Variants in AMPD1 observed in about 807,000 individuals in gnomAD.
AMPD1 encodes the protein adenosine monophosphate deaminase 1.
Under a neutral mutation model 82.9 loss-of-function variants are expected in AMPD1, and 74 were observed. That is an observed-to-expected ratio of 0.89 (90% CI 0.74 to 1.08). AMPD1 has a LOEUF of 1.08. AMPD1 is among the 50% of genes least tolerant of loss of function. The probability of loss-of-function intolerance (pLI) is 0.00; values close to 1 mark genes in which losing one functional copy is unlikely to be tolerated. For synonymous variants in AMPD1, 333 were observed against 320.5 expected (o/e 1.04, Z -0.42); for missense variants, 881 against 924.5 (o/e 0.95, Z 0.61).
At chr1:114,684,838 T>A (rs553803729) in intron 4 of AMPD1, among the ~76,000 whole-genome samples, 1 of 152,306 alleles carries the variant, frequency 6.6e-6, no homozygotes, top group African/African-American at 2.4e-5. Flanking sequence ...GGGTCACAAA[T>A]CTCTCAAACC....
Position 114,680,432 on chromosome 1 carries a change from G to T in AMPD1, c.594C>A (p.Asp198Glu), listed in dbSNP as rs1658124421. 6.2e-7 allele frequency: 1 copy of T among 1,614,064 alleles called. No individual in the cohort carries two copies. Among genetic ancestry groups the T allele is most frequent in the Non-Finnish European group, 8.5e-7 (1 of 1,180,048 alleles). Residue 198 changes from aspartate to glutamate, a missense_variant, in exon 6 of 16, where the codon GAC becomes GAA. Around this residue, in one of 2 missense-constraint regions of AMPD1, gnomAD observed 783 missense variants for 786.4 expected, o/e 1.00. Coordinates refer to ENST00000520113, the MANE Select transcript of AMPD1 (RefSeq NM_000036.3). Reference sequence around the variant, plus strand: ...GATAGCCCAGGTTTTCAGGAAGGTTGTCTGTTCGGAAGGGGTCCTCTCCCT... The same window carrying T: ...GATAGCCCAGGTTTTCAGGAAGGTTTTCTGTTCGGAAGGGGTCCTCTCCCT... ...VKKGEDPFRT[D>E]NLPENLGYHL...
intron 10 of AMPD1, 94 bp from the exon 11 acceptor site, chr1:114,676,097 C>T (rs1570838604): frequency 7.1e-7 from 1 of 1,411,152 alleles, no homozygotes; most frequent in Non-Finnish European, 9.9e-7. Flanking sequence ...ATGTCATGCA[C>T]AGGAAAAGAC....
At chr1:114,674,534 C>G (rs1657924223) in intron 13 of AMPD1, among the ~76,000 whole-genome samples, 2 of 152,190 alleles carry the variant, frequency 1.3e-5, no homozygotes, top group African/African-American at 4.8e-5. Flanking sequence ...GTCAGGAGAT[C>G]TGCGTTAACT....
At chr1:114,678,086 T>C (rs1222613087) in intron 8 of AMPD1, 45 bp from the exon 9 acceptor site, 8 of 1,611,912 alleles carry the variant, frequency 5.0e-6, no homozygotes, top group Non-Finnish European at 6.8e-6. Flanking sequence ...ACCAGAGCTG[T>C]CTGGACAGAG....
chr1:114,674,418 C>T (rs75515194), intron 13 of AMPD1, among the ~76,000 whole-genome samples: 1 of 151,964 alleles, frequency 6.6e-6, no homozygotes, highest in Non-Finnish European at 1.5e-5. Flanking sequence ...CTGACTCTCA[C>T]AAAAAAACAT....
Position 114,695,497 on chromosome 1 carries a change from A to G in AMPD1, c.-26T>C. ...TGTTGCTGAAATCCTTGATTCTAGGATAGCACAGTAGAAAAGAAGAGAGAG... is the reference window on the plus strand; with the variant it reads ...TGTTGCTGAAATCCTTGATTCTAGGGTAGCACAGTAGAAAAGAAGAGAGAG... On this transcript the variant is annotated 5_prime_UTR_variant, in exon 1 of 16. Transcript: ENST00000520113. 6.2e-7 allele frequency: 1 copy of G among 1,614,046 alleles called. No individual in the cohort carries two copies. Among genetic ancestry groups the G allele is most frequent in the Non-Finnish European group, 8.5e-7 (1 of 1,180,006 alleles).
chr1:114,688,369 C>T (rs181070709), intron 3 of AMPD1, among the ~76,000 whole-genome samples, 192 bp downstream of exon 3: 29 of 152,284 alleles, frequency 1.9e-4, no homozygotes, highest in Middle Eastern at 3.4e-3. Context: ...CTCAAGTGAT[C>T]CACCCACCTC....
At chr1:114,690,825 C>G (rs1193516979) in intron 2 of AMPD1, among the ~76,000 whole-genome samples, 2 of 151,976 alleles carry the variant, frequency 1.3e-5, no homozygotes, top group Non-Finnish European at 2.9e-5. Flanking sequence ...CTGCATGTAC[C>G]ATGAAGGGCA....
In AMPD1 at chr1:114,678,468, AAT is replaced by A. The variant is rs1460975510; in HGVS notation, c.955_956del (p.Ile319Ter). The A allele has an allele frequency of 6.2e-7, 1 of 1,614,066 alleles. No individual in the cohort carries two copies. Among genetic ancestry groups the A allele is most frequent in the African/African-American group, 1.3e-5 (1 of 74,910 alleles). On this transcript the variant is annotated frameshift_variant, in exon 8 of 16. Transcript: ENST00000520113. LOFTEE classifies it high-confidence loss of function. ...CAGCATCAATTTGGTAAGATTTCTT[AAT>A]AAAACGCAGCAGATGTTTCTGGTTC... ...CMNQKHLLRF[I>X]KKSYQIDADR...
intron 14 of AMPD1, 61 bp from the exon 15 acceptor site, chr1:114,673,810 C>A (rs2101710126): frequency 6.3e-7 from 1 of 1,579,226 alleles, no homozygotes; most frequent in Non-Finnish European, 8.7e-7. Flanking sequence ...TGCATCCTGC[C>A]TGAAAAAATA....
chr1:114,692,987 T>C (rs2101727877), intron 2 of AMPD1, among the ~76,000 whole-genome samples: 1 of 151,068 alleles, frequency 6.6e-6, no homozygotes, highest in Non-Finnish European at 1.5e-5. Flanking sequence ...TAACCAGGTG[T>C]GGTGGTGTGC....
intron 12 of AMPD1, 191 bp from the exon 13 acceptor site, chr1:114,675,063 G>C (rs1488470967): frequency 4.3e-6 from 3 of 690,340 alleles, no homozygotes; most frequent in Non-Finnish European, 7.2e-6. Context: ...AGGATATGGG[G>C]GTAAGGAAGC....
intron 3 of AMPD1, among the ~76,000 whole-genome samples, chr1:114,687,225 CTA>C (rs1407088012): frequency 6.6e-6 from 1 of 152,070 alleles, no homozygotes; most frequent in Non-Finnish European, 1.5e-5. Flanking sequence ...AAAACACAGG[CTA>C]TGTCAGTTAC....
rs1013897127 is a variant in AMPD1 at position 114,678,519 on chromosome 1, G to A, written c.906C>T (p.Thr302=). Residue 302 remains threonine, a synonymous_variant, in exon 8 of 16, where the codon ACC becomes ACT. Transcript: ENST00000520113. ...RDFYNCRKVD[T]HIHAAACMNQ... ...TCATGCAAGCGGCTGCATGGATATGGGTGTCCACCTGTATGTATATTCAAA... is the reference window on the plus strand; with the variant it reads ...TCATGCAAGCGGCTGCATGGATATGAGTGTCCACCTGTATGTATATTCAAA... 13 of 1,613,598 alleles carry A rather than the reference G, an allele frequency of 8.1e-6. No homozygotes were observed. Among genetic ancestry groups the A allele is most frequent in the African/African-American group, 4.0e-5 (3 of 74,878 alleles).
rs376186860 is a variant in AMPD1 at position 114,673,989 on chromosome 1, T to G, written c.1894A>C (p.Asn632His). 1.2e-6 allele frequency: 2 copies of G among 1,614,038 alleles called. No homozygotes were observed. Among genetic ancestry groups the G allele is most frequent in the Non-Finnish European group, 1.7e-6 (2 of 1,179,936 alleles). ...TTCTGAAGGAAATCCAAAAAAGGATTTTTGGCATACTCTAGAAATAGGCTA... is the reference window on the plus strand; with the variant it reads ...TTCTGAAGGAAATCCAAAAAAGGATGTTTGGCATACTCTAGAAATAGGCTA... The part of the protein sequence containing the change: ...NNSLFLEYAK[N>H]PFLDFLQKGL... The change falls in exon 14 of 16, where the codon AAT (asparagine) becomes CAT (histidine). Residue 632 changes from asparagine to histidine, a missense_variant. By Grantham distance (68) the Asn-to-His change is moderately conservative. Transcript: ENST00000520113.
chr1:114,673,884 T>C (rs766357078), intron 14 of AMPD1, 25 bp downstream of exon 14: 2 of 1,612,100 alleles, frequency 1.2e-6, no homozygotes, highest in South Asian at 2.2e-5. Flanking sequence ...AAAATATGCT[T>C]GTATTGCCCA....
intron 6 of AMPD1, 57 bp downstream of exon 6, chr1:114,680,199 AGTT>A (rs2101716360): frequency 7.2e-7 from 1 of 1,387,342 alleles, no homozygotes; most frequent in East Asian, 2.3e-5. Flanking sequence ...AAGTAGTACT[AGTT>A]GTTGTTTAGG....
At chr1:114,673,477 G>C (rs1222217951) in intron 15 of AMPD1, among the ~76,000 whole-genome samples, 162 bp downstream of exon 15, 1 of 152,030 alleles carries the variant, frequency 6.6e-6, no homozygotes, top group East Asian at 1.9e-4. Flanking sequence ...TGGCCCAAAA[G>C]GCACAGGCAA....
chr1:114,675,570 A>G lies in AMPD1; in HGVS notation c.1639T>C (p.Tyr547His), dbSNP rs1250891071. 1.2e-6 allele frequency: 2 copies of G among 1,614,032 alleles called. No homozygotes were observed. Among genetic ancestry groups the G allele is most frequent in the Admixed American group, 1.7e-5 (1 of 60,012 alleles). The change falls in exon 12 of 16, where the codon TAC (tyrosine) becomes CAC (histidine). Residue 547 changes from tyrosine (Y) to histidine (H), a missense_variant. Physicochemically the swap from Tyr to His is moderately conservative, Grantham distance 83. Around this residue, in one of 2 missense-constraint regions of AMPD1, gnomAD observed 783 missense variants for 786.4 expected, o/e 1.00. Transcript: ENST00000520113. ...KNPSYTYYAY[Y>H]MYANIMVLNS... ...AGCACCATGATGTTTGCATACATGT[A>G]GTAGGCATAGTAAGTGTAAGATGGA...
Sources: gnomAD v4.1 joint callset for allele counts (sites outside exome capture counted in the v4.1 genomes callset) on GRCh38, gnomAD v4.1.1 for gene constraint, gnomAD v4.1.1 regional missense constraint, MANE v1.5 for transcripts, NCBI Gene and HGNC (gene_info 2026-07-23, HGNC 2026-07-21) for gene names.